Variants in ADAMTS18 observed in about 807,000 individuals in gnomAD.
The protein encoded by ADAMTS18 is ADAM metallopeptidase with thrombospondin type 1 motif 18, also known as A disintegrin and metalloproteinase with thrombospondin motifs 18.
In ADAMTS18, 157 loss-of-function variants were observed where a neutral mutation model predicts 165.9. The observed-to-expected ratio is 0.95, with a 90% CI of 0.83 to 1.08. The LOEUF (loss-of-function observed/expected upper bound fraction) is 1.08. Ranked by LOEUF, ADAMTS18 falls within the 50% of genes least tolerant of loss-of-function variation. ADAMTS18 has a pLI of 0.00. For synonymous variants in ADAMTS18, 782 were observed against 578.2 expected (o/e 1.35, Z -5.06); for missense variants, 2,040 against 1,534.0 (o/e 1.33, Z -5.51).
intron 10 of ADAMTS18, among the ~76,000 whole-genome samples, chr16:77,342,710 A>G (rs2056416963): frequency 6.6e-6 from 1 of 152,204 alleles, no homozygotes; most frequent in African/African-American, 2.4e-5. Flanking sequence ...GCCCCCAAAG[A>G]TGTTCGCATA....
Position 77,284,015 on chromosome 16 carries a change from C to G in ADAMTS18, c.3607G>C (p.Val1203Leu). ...NWCHLVPQHG[V>L]CNHKFYGKQC... ...TTTCCGTAAAACTTGTGGTTGCAGACACCATGCTGAGGAACTAGGTGACAC... is the reference window on the plus strand; with the variant it reads ...TTTCCGTAAAACTTGTGGTTGCAGAGACCATGCTGAGGAACTAGGTGACAC... The change falls in exon 23 of 23, where the codon GTC becomes CTC. Residue 1203 changes from valine to leucine, a missense_variant. Val to Leu is a conservative substitution (Grantham distance 32). Transcript: ENST00000282849. 1 of 1,614,028 alleles carries G rather than the reference C, an allele frequency of 6.2e-7. No individual in the cohort carries two copies. Among genetic ancestry groups the G allele is most frequent in the Non-Finnish European group, 8.5e-7 (1 of 1,179,954 alleles).
intron 11 of ADAMTS18, among the ~76,000 whole-genome samples, chr16:77,336,996 AT>A (rs2144677534): frequency 6.6e-6 from 1 of 152,318 alleles, no homozygotes; most frequent in South Asian, 2.1e-4. Flanking sequence ...ATCTTCACTT[AT>A]CCCCTGCGAT....
chr16:77,365,565 G>A (rs965488647), intron 4 of ADAMTS18, among the ~76,000 whole-genome samples: 4 of 152,154 alleles, frequency 2.6e-5, no homozygotes, highest in African/African-American at 9.7e-5. Context: ...GGCAAAGGGT[G>A]CGCACCAAGT....
chr16:77,366,743 G>A (rs1017101669), intron 4 of ADAMTS18, among the ~76,000 whole-genome samples: 28 of 152,188 alleles, frequency 1.8e-4, no homozygotes, highest in African/African-American at 6.5e-4. Flanking sequence ...TTTAAGTGCT[G>A]TAAGTTTAAA....
Position 77,291,295 on chromosome 16 carries a change from C to G in ADAMTS18, c.3373G>C (p.Ala1125Pro). ...CPAHPVYNMVAGWYSLPWQQC... is the reference protein window; with the variant it reads ...CPAHPVYNMVPGWYSLPWQQC... Reference sequence around the variant, plus strand: ...TGCCACGGCAATGAATACCATCCAGCTACCATGTTGTACACTGGATGGGCT... The same window carrying G: ...TGCCACGGCAATGAATACCATCCAGGTACCATGTTGTACACTGGATGGGCT... The change falls in exon 21 of 23, where the codon GCT becomes CCT. Residue 1125 changes from alanine (A) to proline (P), a missense_variant. Transcript: ENST00000282849. The G allele has an allele frequency of 6.2e-7, 1 of 1,614,200 alleles. No individual in the cohort carries two copies. Among genetic ancestry groups the G allele is most frequent in the South Asian group, 1.1e-5 (1 of 91,082 alleles).
At chr16:77,392,331 G>A (rs1169877890) in intron 3 of ADAMTS18, among the ~76,000 whole-genome samples, 2 of 152,148 alleles carry the variant, frequency 1.3e-5, no homozygotes, top group Non-Finnish European at 2.9e-5. Context: ...CTCATTAACT[G>A]AGTCCCAGCT....
chr16:77,373,452 C>T (rs1443634044), intron 3 of ADAMTS18, among the ~76,000 whole-genome samples: 1 of 146,978 alleles, frequency 6.8e-6, no homozygotes, highest in Non-Finnish European at 1.5e-5. Context: ...GGGCAAGACC[C>T]TGCCTCAAAA....
chr16:77,319,785 A>G (rs1052119200), intron 16 of ADAMTS18, 64 bp downstream of exon 16: 1 of 1,611,778 alleles, frequency 6.2e-7, no homozygotes, highest in Admixed American at 1.7e-5. Context: ...TCTGGCTCAA[A>G]TTGCAGTCAA....
At chr16:77,371,397 C>T (rs59459484) in intron 3 of ADAMTS18, among the ~76,000 whole-genome samples, 8,683 of 152,066 alleles carry the variant, frequency 0.057, 554 homozygotes, top group African/African-American at 0.16. Flanking sequence ...TAGAAAGCTA[C>T]AGTAACCAAA....
intron 8 of ADAMTS18, among the ~76,000 whole-genome samples, chr16:77,357,396 T>C (rs1040902677): frequency 6.6e-6 from 1 of 152,180 alleles, no homozygotes; most frequent in Non-Finnish European, 1.5e-5. Flanking sequence ...CAATGTATAC[T>C]CAGTGAAAGC....
chr16:77,299,740 G>C (rs1302146509), intron 17 of ADAMTS18, among the ~76,000 whole-genome samples: 4 of 152,146 alleles, frequency 2.6e-5, no homozygotes, highest in African/African-American at 9.7e-5. Context: ...TTCCTTCCTT[G>C]CAAGGGTTGT....
In ADAMTS18 at chr16:77,392,702, G is replaced by A. The variant is rs78657268; in HGVS notation, c.496-24979C>T. Among the ~76,000 whole-genome samples the A allele has an allele frequency of 3.8e-3, 571 of 152,206 alleles. 5 individuals carry two copies. The highest frequency in any genetic ancestry group is 0.013 in the African/African-American group (535 of 41,524). On this transcript the variant is annotated intron_variant, in intron 3 of 22. Transcript: ENST00000282849. ...GCCCTGTTCCTAGCATAGGGTAGACGTCGTAAATATTGGTTGAATAAATGA... is the reference window on the plus strand; with the variant it reads ...GCCCTGTTCCTAGCATAGGGTAGACATCGTAAATATTGGTTGAATAAATGA...
intron 7 of ADAMTS18, 98 bp from the exon 8 acceptor site, chr16:77,359,521 T>C: frequency 1.0e-6 from 1 of 997,526 alleles, no homozygotes. Flanking sequence ...AGTTTTAGTT[T>C]AATAGATCAA....
Position 77,293,261 on chromosome 16 carries a change from T to A in ADAMTS18, c.3007-3A>T. ...CCTCGTCCACAGGTCTTGGAACACT[T>A]GAGAAGACAAAAAAGTTCTATTTGC... is the stretch of plus-strand genomic sequence containing the variant. On this transcript the variant is annotated splice_region_variant and splice_polypyrimidine_tract_variant and intron_variant, in intron 19 of 22. Coordinates refer to ENST00000282849, the MANE Select transcript of ADAMTS18 (RefSeq NM_199355.4). 9 of 1,613,282 alleles carry A rather than the reference T, an allele frequency of 5.6e-6. No individual in the cohort carries two copies. The highest frequency in any genetic ancestry group is 7.6e-6 in the Non-Finnish European group (9 of 1,179,758).
chr16:77,283,482 G>A lies in ADAMTS18; in HGVS notation c.*474C>T, dbSNP rs2055187691. On this transcript the variant is annotated 3_prime_UTR_variant, in exon 23 of 23. Transcript: ENST00000282849. The stretch of plus-strand genomic sequence containing the variant: ...GGCTTCTCATAGAACTCCTGGCTTG[G>A]GTGTTCACAGGGTTAGTCGAACTGT... The A allele has an allele frequency of 5.8e-6, 1 of 172,852 alleles. No individual in the cohort carries two copies. The highest frequency in any genetic ancestry group is 5.6e-5 in the Admixed American group (1 of 17,804). 10.7% of individuals were successfully genotyped at this position (172,852 alleles called of 1,614,324 possible).
At chr16:77,405,286 C>G (rs1250277693) in intron 3 of ADAMTS18, among the ~76,000 whole-genome samples, 2 of 152,276 alleles carry the variant, frequency 1.3e-5, no homozygotes, top group East Asian at 3.9e-4. Context: ...ACTGAAACAG[C>G]AGAATCCTTT....
At chr16:77,406,906 A>G (rs1260479792) in intron 3 of ADAMTS18, among the ~76,000 whole-genome samples, 1 of 152,116 alleles carries the variant, frequency 6.6e-6, no homozygotes, top group African/African-American at 2.4e-5. Context: ...ATATGGATAT[A>G]AAGTAGGAAA....
chr16:77,291,428 G>A lies in ADAMTS18; in HGVS notation c.3240C>T (p.Ser1080=), dbSNP rs35478105. ...TCAGCTTTCCCTGGAAGCCCTTCTCGCTGCACTTCATCTCCCTCTTCCTCA... is the reference window on the plus strand; with the variant it reads ...TCAGCTTTCCCTGGAAGCCCTTCTCACTGCACTTCATCTCCCTCTTCCTCA... The part of the protein sequence containing the change: ...LGVRKREMKC[S]EKGFQGKLIT... The change falls in exon 21 of 23, where the codon AGC becomes AGT. Residue 1080 remains serine (S), a synonymous_variant. Transcript: ENST00000282849. The A allele has an allele frequency of 2.4e-5, 39 of 1,613,832 alleles. No homozygotes were observed. In the African/African-American group the frequency reaches 2.5e-4, roughly 11 times the overall value.
intron 16 of ADAMTS18, among the ~76,000 whole-genome samples, chr16:77,314,889 C>A (rs35303792): frequency 0.6 from 86,064 of 143,198 alleles, 26,356 homozygotes; most frequent in Non-Finnish European, 0.65. Flanking sequence ...TTATCCTCAT[C>A]ATGGCCCTAA....
Sources: gnomAD v4.1 joint callset for allele counts (sites outside exome capture counted in the v4.1 genomes callset) on GRCh38, gnomAD v4.1.1 for gene constraint, MANE v1.5 for transcripts, NCBI Gene and HGNC (gene_info 2026-07-23, HGNC 2026-07-21) for gene names.